Variants in GABRG3 observed in about 807,000 individuals in gnomAD.
GABRG3 encodes gamma-aminobutyric acid type A receptor subunit gamma3.
Under a neutral mutation model 48.8 loss-of-function variants are expected in GABRG3, and 25 were observed. The ratio of observed to expected loss-of-function variants is 0.51; its 90% CI spans 0.37 to 0.72. The LOEUF (loss-of-function observed/expected upper bound fraction) is 0.72, where lower values mean the gene tolerates loss of function less well. GABRG3 is among the 30% of genes least tolerant of loss of function. GABRG3 has a pLI of 0.00. For synonymous variants in GABRG3, 227 were observed against 217.6 expected (o/e 1.04, Z -0.38); for missense variants, 394 against 577.9 (o/e 0.68, Z 3.26).
intron 5 of GABRG3, chr15:27,362,691 A>C (rs1223711118): frequency 1.3e-5 from 2 of 152,214 alleles, no homozygotes; most frequent in Non-Finnish European, 2.9e-5. Flanking sequence ...CACTCTGCTC[A>C]GCATGCTGCG....
At chr15:27,273,414 A>G (rs1891151465) in intron 3 of GABRG3, among the ~76,000 whole-genome samples, 1 of 152,218 alleles carries the variant, frequency 6.6e-6, no homozygotes, top group South Asian at 2.1e-4. Flanking sequence ...CTTGTAAATC[A>G]GAAATCCAGG....
intron 3 of GABRG3, among the ~76,000 whole-genome samples, chr15:27,169,652 C>T (rs1887498189): frequency 6.6e-6 from 1 of 152,160 alleles, no homozygotes; most frequent in African/African-American, 2.4e-5. Flanking sequence ...AGATAGCAGC[C>T]CTCCCGGCCA....
chr15:27,480,925 AG>A, intron 6 of GABRG3, 138 bp downstream of exon 6: 1 of 1,427,928 alleles, frequency 7.0e-7, no homozygotes, highest in Non-Finnish European at 9.1e-7. Context: ...AGTGATTCAA[AG>A]TGAAACTATG....
At chr15:27,519,581 C>T (rs1891110178) in intron 6 of GABRG3, among the ~76,000 whole-genome samples, 1 of 152,186 alleles carries the variant, frequency 6.6e-6, no homozygotes, top group African/African-American at 2.4e-5. Flanking sequence ...ATTGGAAAAG[C>T]ATCCCTTAAA....
chr15:27,233,944 T>C (rs1416354965), intron 3 of GABRG3, among the ~76,000 whole-genome samples: 1 of 152,222 alleles, frequency 6.6e-6, no homozygotes, highest in Non-Finnish European at 1.5e-5. Context: ...GTTATTTCAA[T>C]TTACAATATG....
At chr15:27,077,990 T>C (rs1436404127) in intron 3 of GABRG3, among the ~76,000 whole-genome samples, 2 of 152,170 alleles carry the variant, frequency 1.3e-5, no homozygotes, top group African/African-American at 2.4e-5. Context: ...ATATGTGCCA[T>C]GTTTCTGTTT....
chr15:27,332,299 A>G (rs1410102627), intron 5 of GABRG3, among the ~76,000 whole-genome samples: 1 of 152,242 alleles, frequency 6.6e-6, no homozygotes, highest in African/African-American at 2.4e-5. Flanking sequence ...GCAGATCACG[A>G]GGCCAGGAGT....
rs950350645 is a variant in GABRG3, at chr15:27,089,525, T to C, written c.270+62704T>C. Among the ~76,000 whole-genome samples the C allele has an allele frequency of 5.1e-4, 77 of 152,030 alleles. 1 individual carries two copies. Among genetic ancestry groups the C allele is most frequent in the African/African-American group, 1.8e-3 (73 of 41,484 alleles). On this transcript the variant is annotated intron_variant, in intron 3 of 9. Transcript: ENST00000615808. ...CATAGCCCTGGAACCAGACTCAGAGTTGAAAGGCAGTTCGGAGACAAGCAT... is the reference window on the plus strand; with the variant it reads ...CATAGCCCTGGAACCAGACTCAGAGCTGAAAGGCAGTTCGGAGACAAGCAT...
intron 6 of GABRG3, among the ~76,000 whole-genome samples, chr15:27,488,036 G>A (rs1275495207): frequency 2.6e-5 from 4 of 152,124 alleles, no homozygotes; most frequent in East Asian, 1.9e-4. Context: ...TCTAGAATGC[G>A]CCAGGAGAAA....
At position 27,514,685 on chromosome 15, in the gene GABRG3, A is replaced by G. The variant is rs373232584; in HGVS notation, c.713-5287A>G. Among the ~76,000 whole-genome samples the G allele has an allele frequency of 3.5e-4, 53 of 152,368 alleles. 3 individuals are homozygous for G. In the South Asian group the frequency reaches 0.011, roughly 30 times the overall value. ...TTGCCCACACTCACGAGGAAGGAAC[A>G]ATACAACTATATGACTAACTGGGGT... On this transcript the variant is annotated intron_variant, in intron 6 of 9. Coordinates refer to ENST00000615808, the MANE Select transcript of GABRG3 (RefSeq NM_033223.5).
At chr15:27,455,735 TTGTGTGTGGTG>T (rs1396090380) in intron 5 of GABRG3, among the ~76,000 whole-genome samples, 4 of 149,154 alleles carry the variant, frequency 2.7e-5, no homozygotes, top group East Asian at 2.0e-4. Flanking sequence ...GTTTGTGAGT[TTGTGTGTGGTG>T]TGTGTGTGGT....
chr15:27,191,477 A>C (rs1232294064), intron 3 of GABRG3, among the ~76,000 whole-genome samples: 2 of 152,172 alleles, frequency 1.3e-5, no homozygotes, highest in African/African-American at 2.4e-5. Context: ...ACCATTATGT[A>C]ATGGCCTTCT....
chr15:27,479,347 C>T (rs762924011), intron 5 of GABRG3, among the ~76,000 whole-genome samples: 4 of 152,176 alleles, frequency 2.6e-5, no homozygotes, highest in Non-Finnish European at 4.4e-5. Flanking sequence ...CTCTGGGTCC[C>T]TTGAGCTTAG....
chr15:27,511,755 G>A (rs758911865), intron 6 of GABRG3, among the ~76,000 whole-genome samples: 7 of 152,204 alleles, frequency 4.6e-5, no homozygotes, highest in Non-Finnish European at 1.0e-4. Flanking sequence ...GTGCTACAGA[G>A]AGAAACAGAG....
At chr15:27,283,096 G>C (rs1043563924) in intron 3 of GABRG3, among the ~76,000 whole-genome samples, 1 of 152,152 alleles carries the variant, frequency 6.6e-6, no homozygotes, top group Admixed American at 6.5e-5. Context: ...TTCAGGCTGC[G>C]CATTCACCCC....
At chr15:26,982,710 C>T (rs999123249) in intron 2 of GABRG3, among the ~76,000 whole-genome samples, 1 of 152,180 alleles carries the variant, frequency 6.6e-6, no homozygotes, top group Non-Finnish European at 1.5e-5. Flanking sequence ...GGCAACTCCC[C>T]TAAAGCATCC....
At chr15:27,398,387 G>A (rs1306418583) in intron 5 of GABRG3, among the ~76,000 whole-genome samples, 7 of 152,066 alleles carry the variant, frequency 4.6e-5, no homozygotes, top group Non-Finnish European at 1.0e-4. Flanking sequence ...ACTCTCATGC[G>A]ACATATTGTA....
intron 2 of GABRG3, among the ~76,000 whole-genome samples, chr15:27,015,056 A>T (rs1017469021): frequency 1.3e-5 from 2 of 152,114 alleles, no homozygotes; most frequent in Non-Finnish European, 2.9e-5. Context: ...TTGACTTAAA[A>T]TCTCTTTTGT....
At chr15:27,409,803 G>A (rs1359282389) in intron 5 of GABRG3, among the ~76,000 whole-genome samples, 4 of 151,932 alleles carry the variant, frequency 2.6e-5, no homozygotes, top group African/African-American at 9.7e-5. Context: ...TTATGACCTT[G>A]CTGAACTTAC....
Sources: gnomAD v4.1 joint callset for allele counts (sites outside exome capture counted in the v4.1 genomes callset) on GRCh38, gnomAD v4.1.1 for gene constraint, MANE v1.5 for transcripts, NCBI Gene and HGNC (gene_info 2026-07-23, HGNC 2026-07-21) for gene names.